DDX6: variants seen among roughly 807,000 people sequenced by gnomAD.
DDX6 encodes probable ATP-dependent RNA helicase DDX6.
DDX6 carries 7 observed loss-of-function variants against 60.6 expected under a neutral mutation model. The observed-to-expected ratio is 0.12, with a 90% confidence interval of 0.07 to 0.22. DDX6 has a LOEUF of 0.22. Among genes scored for constraint, DDX6 ranks in the 10% least tolerant of loss-of-function variants. The pLI is 1.00. For synonymous variants in DDX6, 207 were observed against 201.0 expected (o/e 1.03, Z -0.25); for missense variants, 270 against 589.9 (o/e 0.46, Z 5.62).
chr11:118,755,734 G>C (rs1431200918), intron 11 of DDX6, among the ~76,000 whole-genome samples: 2 of 151,544 alleles, frequency 1.3e-5, no homozygotes, highest in Non-Finnish European at 2.9e-5. Context: ...GTGTCTAAAA[G>C]AGGCTGGGTG....
intron 5 of DDX6, 72 bp downstream of exon 5, chr11:118,768,151 G>A: frequency 3.7e-6 from 5 of 1,351,888 alleles, no homozygotes; most frequent in East Asian, 2.5e-5. Flanking sequence ...TAAAAAAAGA[G>A]TATCTTCTAC....
intron 2 of DDX6, among the ~76,000 whole-genome samples, chr11:118,784,309 C>T (rs750936456): frequency 7.2e-5 from 11 of 151,996 alleles, no homozygotes; most frequent in Non-Finnish European, 1.5e-4. Flanking sequence ...GAACCACATA[C>T]GGTAACTATA....
Position 118,756,131 on chromosome 11 carries a change from C to T in DDX6, c.1174+129G>A, listed in dbSNP as rs1860968773. 4.7e-6 allele frequency: 3 copies of T among 643,562 alleles called. No homozygotes were observed. The South Asian group carries it at 5.9e-5, about 13-fold the overall frequency. 39.9% of individuals were successfully genotyped at this position (643,562 alleles called of 1,614,324 possible). On this transcript the variant is annotated intron_variant, in intron 11 of 13. Transcript: ENST00000534980. ...GCTGACAAGAGTTCATTTTCAACTT[C>T]AGAAATCCTAGAAGTAGTGGTAGGG...
At position 118,760,009 on chromosome 11, in the gene DDX6, T is replaced by C; in HGVS notation, c.777A>G (p.Ile259Met). 1 of 1,613,098 alleles carries C rather than the reference T, an allele frequency of 6.2e-7. No homozygotes were observed. The change falls in exon 8 of 14, where the codon ATA becomes ATG. Residue 259 changes from isoleucine (I) to methionine (M), a missense_variant. By Grantham distance (10) the Ile-to-Met change is conservative. Around this residue, in one of 8 missense-constraint regions of DDX6, gnomAD observed 69 missense variants for 208.2 expected, o/e 0.33. Coordinates refer to ENST00000534980, the MANE Select transcript of DDX6 (RefSeq NM_004397.6). Reference sequence around the variant, plus strand: ...GTAGCGTGAGAATAATATCCTCCATTATCTGCACAAAATCCTGTGACAGCA... The same window carrying C: ...GTAGCGTGAGAATAATATCCTCCATCATCTGCACAAAATCCTGTGACAGCA... ...DKLLSQDFVQIMEDIILTLPK... is the reference protein window; with the variant it reads ...DKLLSQDFVQMMEDIILTLPK...
At chr11:118,760,579 T>C (rs507890) in intron 7 of DDX6, among the ~76,000 whole-genome samples, 57,299 of 151,600 alleles carry the variant, frequency 0.38, 11,389 homozygotes, top group Admixed American at 0.51. Flanking sequence ...TCCCAGCACT[T>C]TGGGAGGCCG....
chr11:118,755,891 G>A (rs782630897), intron 11 of DDX6, among the ~76,000 whole-genome samples: 17 of 151,952 alleles, frequency 1.1e-4, no homozygotes, highest in Non-Finnish European at 2.1e-4. Flanking sequence ...GGTAGCAGGC[G>A]CCCACAATCC....
chr11:118,764,269 T>C (rs1377436988), intron 6 of DDX6, among the ~76,000 whole-genome samples: 2 of 152,262 alleles, frequency 1.3e-5, no homozygotes, highest in Non-Finnish European at 2.9e-5. Flanking sequence ...CTTGCTGTTT[T>C]GTTACCTTTT....
rs538001978 is a variant in DDX6 at position 118,754,894 on chromosome 11, A to T, written c.1277-7T>A. The T allele has an allele frequency of 3.8e-6, 6 of 1,589,802 alleles. No homozygotes were observed. Among genetic ancestry groups the T allele is most frequent in the South Asian group, 3.5e-5 (3 of 86,304 alleles). On this transcript the variant is annotated splice_polypyrimidine_tract_variant and splice_region_variant and intron_variant, in intron 12 of 13. Coordinates refer to ENST00000534980, the MANE Select transcript of DDX6 (RefSeq NM_004397.6). ...CCAAGATGACCAAAGCGACCTAAAAAACATGCGTTTAAAAATTTTAATGAA... is the reference window on the plus strand; with the variant it reads ...CCAAGATGACCAAAGCGACCTAAAATACATGCGTTTAAAAATTTTAATGAA...
At chr11:118,755,524 TTTCA>T (rs1565560224) in intron 11 of DDX6, 21 bp from the exon 12 acceptor site, 1 of 1,337,036 alleles carries the variant, frequency 7.5e-7, no homozygotes, top group South Asian at 1.2e-5. Flanking sequence ...AAAAGATAAT[TTTCA>T]TTTTTTCAAT....
intron 3 of DDX6, among the ~76,000 whole-genome samples, chr11:118,780,838 TTGA>T (rs1861873839): frequency 2.6e-5 from 4 of 152,154 alleles, no homozygotes; most frequent in Admixed American, 1.3e-4. Context: ...TTCCCCCCTA[TTGA>T]TGATAAGCAA....
intron 2 of DDX6, among the ~76,000 whole-genome samples, chr11:118,785,037 G>C (rs1440388755): frequency 6.6e-6 from 1 of 152,216 alleles, no homozygotes; most frequent in Non-Finnish European, 1.5e-5. Flanking sequence ...CAATGTGCTT[G>C]GACTACAGGC....
At chr11:118,769,839 G>T (rs533097279) in intron 4 of DDX6, among the ~76,000 whole-genome samples, 1 of 151,902 alleles carries the variant, frequency 6.6e-6, no homozygotes, top group South Asian at 2.1e-4. Flanking sequence ...TGAGTAGCTG[G>T]GACTACAGGT....
chr11:118,772,513 C>T (rs1400642624), intron 4 of DDX6, among the ~76,000 whole-genome samples: 2 of 152,142 alleles, frequency 1.3e-5, no homozygotes, highest in Admixed American at 6.6e-5. Context: ...TGAGGTGTGA[C>T]TGCTAAAAGG....
intron 6 of DDX6, 49 bp from the exon 7 acceptor site, chr11:118,763,355 A>G: frequency 7.2e-7 from 1 of 1,379,544 alleles, no homozygotes; most frequent in East Asian, 2.3e-5. Flanking sequence ...TAATTTGAGC[A>G]AAGAGGATAA....
At chr11:118,785,589 T>C (rs994342822) in intron 2 of DDX6, among the ~76,000 whole-genome samples, 1 of 151,980 alleles carries the variant, frequency 6.6e-6, no homozygotes, top group Admixed American at 6.6e-5. Context: ...TGAATAATGC[T>C]TGGAGTTCAG....
intron 4 of DDX6, among the ~76,000 whole-genome samples, chr11:118,778,464 G>A (rs575667670): frequency 5.3e-5 from 8 of 152,250 alleles, no homozygotes; most frequent in East Asian, 1.9e-4. Context: ...TCCCCTGGGG[G>A]ACAAAAATCC....
In DDX6 at chr11:118,757,297, GA is replaced by G. The variant is rs1555159185; in HGVS notation, c.994-11del. On this transcript the variant is annotated splice_polypyrimidine_tract_variant and intron_variant, in intron 9 of 13. Coordinates refer to ENST00000534980, the MANE Select transcript of DDX6 (RefSeq NM_004397.6). ...ACTGGTTTATCTGAAGCTGAGCACA[GA>G]AAAAAATAAGTATGAGAAAAATAAA... is the stretch of plus-strand genomic sequence containing the variant. 6.2e-6 allele frequency: 9 copies of G among 1,441,828 alleles called. No individual in the cohort carries two copies. The highest frequency in any genetic ancestry group is 4.9e-5 in the East Asian group (2 of 40,694). The allele number at this position is 1,441,828 out of a possible 1,614,324, so 89.3% of individuals were successfully genotyped here.
chr11:118,780,606 T>A (rs892078956), intron 3 of DDX6, among the ~76,000 whole-genome samples: 1 of 152,190 alleles, frequency 6.6e-6, no homozygotes, highest in Non-Finnish European at 1.5e-5. Context: ...CAAGAGCCAC[T>A]GTGCCCGGCC....
In DDX6 at chr11:118,754,897, A is replaced by G. The variant is rs556399553; in HGVS notation, c.1277-10T>C. ...AGATGACCAAAGCGACCTAAAAAAC[A>G]TGCGTTTAAAAATTTTAATGAATAA... is the stretch of plus-strand genomic sequence containing the variant. On this transcript the variant is annotated splice_polypyrimidine_tract_variant and intron_variant, in intron 12 of 13. Transcript: ENST00000534980. 3 of 1,491,994 alleles carry G rather than the reference A, an allele frequency of 2.0e-6. No homozygotes were observed. The highest frequency in any genetic ancestry group is 2.2e-5 in the East Asian group (1 of 44,642). The allele number at this position is 1,491,994 out of a possible 1,614,324, so 92.4% of individuals were successfully genotyped here.
Sources: allele counts gnomAD v4.1 joint callset (sites outside exome capture counted in the v4.1 genomes callset), GRCh38; gene constraint gnomAD v4.1.1; regional missense constraint gnomAD v4.1.1; transcripts MANE v1.5; gene names NCBI Gene and HGNC (gene_info 2026-07-23, HGNC 2026-07-21).